Variants in NELL1 observed in about 807,000 individuals in gnomAD.
NELL1 encodes neural EGFL like 1.
NELL1 carries 76 observed loss-of-function variants against 107.4 expected under a neutral mutation model. The observed-to-expected ratio is 0.71, with a 90% CI of 0.59 to 0.86. The LOEUF is 0.86. Ranked by LOEUF, NELL1 falls within the 40% of genes least tolerant of loss-of-function variation. The pLI is 0.00. For missense variants in NELL1, 1,024 were observed against 1,005.5 expected, an observed-to-expected ratio of 1.02 and a Z score of -0.25; for synonymous variants, 353 against 341.2, an observed-to-expected ratio of 1.03 and a Z score of -0.38.
intron 13 of NELL1, among the ~76,000 whole-genome samples, chr11:21,171,410 C>G (rs1051403185): frequency 1.3e-5 from 2 of 151,804 alleles, no homozygotes; most frequent in Admixed American, 6.6e-5. Flanking sequence ...TTATCCTTGT[C>G]TATGCACAAA....
chr11:21,076,070 A>C (rs979765995), intron 12 of NELL1, among the ~76,000 whole-genome samples: 1 of 152,230 alleles, frequency 6.6e-6, no homozygotes, highest in East Asian at 1.9e-4. Context: ...AGTTTTCCAG[A>C]GTCTGAGGGA....
At chr11:20,723,306 G>A (rs894390805) in intron 2 of NELL1, among the ~76,000 whole-genome samples, 6 of 152,100 alleles carry the variant, frequency 3.9e-5, no homozygotes, top group Non-Finnish European at 7.3e-5. Flanking sequence ...TTCTCCCTAT[G>A]AGCCTGTAAA....
At chr11:20,976,152 TATATACAC>T in intron 12 of NELL1, among the ~76,000 whole-genome samples, 1 of 107,714 alleles carries the variant, frequency 9.3e-6, no homozygotes, top group African/African-American at 4.0e-5. Context: ...CACATGTATA[TATATACAC>T]ACATTATATC....
intron 2 of NELL1, among the ~76,000 whole-genome samples, chr11:20,678,283 G>A (rs1352812099): frequency 6.6e-6 from 1 of 152,160 alleles, no homozygotes; most frequent in Non-Finnish European, 1.5e-5. Context: ...ATATTTCCTT[G>A]ATTTTGGTGA....
At position 21,491,782 on chromosome 11, in the gene NELL1, C is replaced by G. The variant is rs1324124784; in HGVS notation, c.1646-42592C>G. 5.9e-5 allele frequency among the ~76,000 whole-genome samples: 9 copies of G among 152,112 alleles called. No homozygotes were observed. In the East Asian group the frequency reaches 1.7e-3, roughly 29 times the overall value. On this transcript the variant is annotated intron_variant, in intron 15 of 19. Coordinates refer to ENST00000357134, the MANE Select transcript of NELL1 (RefSeq NM_006157.5). ...GGATGGCACTGAATCTATAAATTAC[C>G]TTGGGCAGTATGGCCATTTTCACGA...
intron 2 of NELL1, among the ~76,000 whole-genome samples, chr11:20,703,887 A>G (rs940424089): frequency 6.6e-5 from 10 of 152,072 alleles, no homozygotes; most frequent in African/African-American, 1.4e-4. Flanking sequence ...TATAATTTCT[A>G]TTCTTTTACA....
At chr11:21,186,370 T>G (rs1856935864) in intron 13 of NELL1, among the ~76,000 whole-genome samples, 1 of 151,878 alleles carries the variant, frequency 6.6e-6, no homozygotes, top group South Asian at 2.1e-4. Context: ...TCAGTGACAG[T>G]GAGTATATGT....
intron 14 of NELL1, among the ~76,000 whole-genome samples, chr11:21,321,286 AG>A (rs1429453854): frequency 3.3e-5 from 5 of 152,104 alleles, no homozygotes; most frequent in Non-Finnish European, 5.9e-5. Flanking sequence ...CACCCTCAGC[AG>A]TAATCCTGCC....
intron 12 of NELL1, among the ~76,000 whole-genome samples, chr11:21,069,839 A>G (rs1543153): frequency 0.82 from 124,365 of 152,062 alleles, 51,338 homozygotes; most frequent in East Asian, 1. Context: ...ACCACTTGCT[A>G]TCTGTGTGAT....
At chr11:21,377,194 C>T (rs910734510) in intron 15 of NELL1, among the ~76,000 whole-genome samples, 2 of 152,008 alleles carry the variant, frequency 1.3e-5, no homozygotes, top group African/African-American at 4.8e-5. Context: ...TCATAGATGG[C>T]TCCTATTATT....
chr11:21,258,733 C>T (rs918677280), intron 14 of NELL1, among the ~76,000 whole-genome samples: 27 of 151,898 alleles, frequency 1.8e-4, no homozygotes, highest in African/African-American at 6.3e-4. Context: ...ACCAAATATC[C>T]GGGCATCTCA....
rs368416285 is a variant in NELL1, at chr11:21,071,416, G to A, written c.1301-42173G>A. 2.0e-3 allele frequency among the ~76,000 whole-genome samples: 306 copies of A among 152,202 alleles called. 18 individuals are homozygous for A. The South Asian group carries it at 0.061, about 31-fold the overall frequency. ...GGCCTCTCAATAAATAGTAAAGATGGCAATAATAATAATGGTAGTTGTTGT... is the reference window on the plus strand; with the variant it reads ...GGCCTCTCAATAAATAGTAAAGATGACAATAATAATAATGGTAGTTGTTGT... On this transcript the variant is annotated intron_variant, in intron 12 of 19. Transcript: ENST00000357134.
At chr11:21,490,339 ATATTAT>A (rs910448541) in intron 15 of NELL1, among the ~76,000 whole-genome samples, 49 of 152,102 alleles carry the variant, frequency 3.2e-4, no homozygotes, top group African/African-American at 1.1e-3. Context: ...AGAAGAATTA[ATATTAT>A]TATAATGGCC....
intron 15 of NELL1, among the ~76,000 whole-genome samples, chr11:21,500,045 A>G (rs1201033309): frequency 6.6e-6 from 1 of 152,116 alleles, no homozygotes; most frequent in Non-Finnish European, 1.5e-5. Context: ...TTTAAGCTTT[A>G]TCTTTCTGGA....
chr11:21,227,991 TA>T (rs1383038634), intron 13 of NELL1, among the ~76,000 whole-genome samples: 1 of 152,238 alleles, frequency 6.6e-6, no homozygotes, highest in Non-Finnish European at 1.5e-5. Context: ...ATTGGTTGAA[TA>T]ATTCACTTAA....
intron 14 of NELL1, among the ~76,000 whole-genome samples, chr11:21,237,700 GAACTA>G (rs1858246197): frequency 6.6e-6 from 1 of 152,004 alleles, no homozygotes; most frequent in Admixed American, 6.6e-5. Context: ...AGTCTGAATG[GAACTA>G]AACCTCTCTG....
intron 12 of NELL1, among the ~76,000 whole-genome samples, chr11:21,098,535 C>A (rs1854712293): frequency 6.6e-6 from 1 of 152,120 alleles, no homozygotes; most frequent in Admixed American, 6.6e-5. Context: ...GTGAAAACAC[C>A]TACCTGGCTC....
chr11:20,978,845 T>A lies in NELL1; in HGVS notation c.1300+18285T>A, dbSNP rs116676356. On this transcript the variant is annotated intron_variant, in intron 12 of 19. Transcript: ENST00000357134. ...CCCTGCAAAATCAGATTCTCCCACG[T>A]TACTGCTCTAGGTCTCCTCTCTTTC... Among the ~76,000 whole-genome samples, 307 of 152,306 alleles carry A rather than the reference T, an allele frequency of 2.0e-3. 1 individual carries two copies. Among genetic ancestry groups the A allele is most frequent in the African/African-American group, 7.1e-3 (294 of 41,570 alleles).
intron 14 of NELL1, among the ~76,000 whole-genome samples, chr11:21,364,518 A>G (rs1851169123): frequency 6.6e-6 from 1 of 151,074 alleles, no homozygotes; most frequent in Non-Finnish European, 1.5e-5. Context: ...GTTTTAGTGG[A>G]TTGCAAAAAC....
Sources: allele counts gnomAD v4.1 joint callset (sites outside exome capture counted in the v4.1 genomes callset), GRCh38; gene constraint gnomAD v4.1.1; transcripts MANE v1.5; gene names NCBI Gene and HGNC (gene_info 2026-07-23, HGNC 2026-07-21).